RGS6: variants seen among roughly 807,000 people sequenced by gnomAD.
The protein encoded by RGS6 is regulator of G-protein signaling 6.
Under a neutral mutation model 78.5 loss-of-function variants are expected in RGS6, and 30 were observed. That is an observed-to-expected ratio of 0.38 (90% CI 0.29 to 0.52). The LOEUF is 0.52. RGS6 is among the 20% of genes least tolerant of loss of function. The pLI, the probability that RGS6 is intolerant of heterozygous loss-of-function variation, is 0.85. For synonymous variants in RGS6, 206 were observed against 206.0 expected, an observed-to-expected ratio of 1.00 and a Z score of 0.00; for missense variants, 495 against 609.7, an observed-to-expected ratio of 0.81 and a Z score of 1.98.
the RGS6 span, among the ~76,000 whole-genome samples, chr14:71,917,992 C>T: frequency 6.6e-5 from 10 of 151,664 alleles, no homozygotes; most frequent in African/African-American, 2.4e-4. Context: ...GCTAACACGG[C>T]GAAACCCCGT....
At chr14:72,359,812 G>T (rs1301665867) in intron 3 of RGS6, among the ~76,000 whole-genome samples, 4 of 152,258 alleles carry the variant, frequency 2.6e-5, no homozygotes, top group African/African-American at 9.6e-5. Flanking sequence ...GAGAAGCTAA[G>T]GGCTGAGAAT....
At chr14:72,401,329 G>C (rs556331777) in intron 3 of RGS6, among the ~76,000 whole-genome samples, 1 of 151,924 alleles carries the variant, frequency 6.6e-6, no homozygotes, top group African/African-American at 2.4e-5. Context: ...TTCCAGGCCT[G>C]GCTTGTTTTC....
chr14:72,241,217 G>GAA (rs1375923759), intron 2 of RGS6, among the ~76,000 whole-genome samples: 3 of 148,514 alleles, frequency 2.0e-5, no homozygotes, highest in Admixed American at 2.0e-4. Context: ...AGAAGGAAAA[G>GAA]AAAAAAAGCC....
At chr14:72,304,531 G>A (rs2066809219) in intron 2 of RGS6, among the ~76,000 whole-genome samples, 1 of 152,162 alleles carries the variant, frequency 6.6e-6, no homozygotes, top group Non-Finnish European at 1.5e-5. Context: ...TGCATCTGAA[G>A]GAGTAAATTA....
In RGS6 at chr14:72,152,597, G is replaced by A. The variant is rs530402969; in HGVS notation, c.84+187722G>A. ...CTTGAAGAAGGTTTTAGCAGAAAAC[G>A]TTTACCAGTAAGATATGTCAGGTCA... On this transcript the variant is annotated intron_variant, in intron 2 of 17. Coordinates refer to ENST00000553525, the MANE Select transcript of RGS6 (RefSeq NM_001204424.2). 5.3e-5 allele frequency among the ~76,000 whole-genome samples: 8 copies of A among 152,254 alleles called. No individual in the cohort carries two copies. The East Asian group carries it at 1.2e-3, about 22-fold the overall frequency.
At chr14:72,014,221 T>C (rs2086476015) in intron 2 of RGS6, among the ~76,000 whole-genome samples, 1 of 152,192 alleles carries the variant, frequency 6.6e-6, no homozygotes, top group African/African-American at 2.4e-5. Flanking sequence ...TTGGATAATG[T>C]TGACAGTTAA....
rs2096540974 is a variant in RGS6 at position 72,141,661 on chromosome 14, G to A, written c.84+176786G>A. ...ACTCCTGGACTCACAGTGATTTCTT[G>A]TCCTCCCCAAAGATGCCTTTGCCTG... On this transcript the variant is annotated intron_variant, in intron 2 of 17. Coordinates refer to ENST00000553525, the MANE Select transcript of RGS6 (RefSeq NM_001204424.2). Among the ~76,000 whole-genome samples, 3 of 152,102 alleles carry A rather than the reference G, an allele frequency of 2.0e-5. No individual in the cohort carries two copies. The South Asian group carries it at 6.2e-4, about 32-fold the overall frequency.
chr14:72,349,126 C>T (rs1437728883), intron 2 of RGS6, among the ~76,000 whole-genome samples: 4 of 152,178 alleles, frequency 2.6e-5, no homozygotes, highest in Admixed American at 2.6e-4. Context: ...TAGATCACGC[C>T]ACTGCACTCC....
intron 3 of RGS6, among the ~76,000 whole-genome samples, chr14:72,444,145 C>T (rs1024216243): frequency 2.0e-5 from 3 of 152,100 alleles, no homozygotes; most frequent in African/African-American, 4.8e-5. Context: ...ACTTGGGATT[C>T]GGATGTGGGA....
At chr14:72,535,581 A>G (rs1214331634) in intron 15 of RGS6, among the ~76,000 whole-genome samples, 1 of 152,148 alleles carries the variant, frequency 6.6e-6, no homozygotes, top group Non-Finnish European at 1.5e-5. Context: ...CCATGTATGT[A>G]TGTGTGCATT....
chr14:72,062,495 G>C (rs1328436614), intron 2 of RGS6, among the ~76,000 whole-genome samples: 1 of 152,234 alleles, frequency 6.6e-6, no homozygotes, highest in Non-Finnish European at 1.5e-5. Context: ...GGAGACTTTT[G>C]CATGAGTCCA....
At chr14:72,134,488 C>T (rs759306223) in intron 2 of RGS6, among the ~76,000 whole-genome samples, 1 of 152,062 alleles carries the variant, frequency 6.6e-6, no homozygotes. Context: ...GTTTTATGTA[C>T]AGAAATATAG....
At chr14:72,407,242 A>G (rs1446277941) in intron 3 of RGS6, among the ~76,000 whole-genome samples, 3 of 152,182 alleles carry the variant, frequency 2.0e-5, no homozygotes, top group African/African-American at 7.2e-5. Flanking sequence ...TCCATGCAGC[A>G]TTGCCCCACA....
chr14:72,333,017 G>A (rs1263018073), intron 2 of RGS6, among the ~76,000 whole-genome samples: 1 of 152,078 alleles, frequency 6.6e-6, no homozygotes, highest in East Asian at 1.9e-4. Context: ...GTTTAAAGCC[G>A]GTCCCTCATG....
At chr14:72,395,173 G>A (rs1221346010) in intron 3 of RGS6, among the ~76,000 whole-genome samples, 2 of 152,060 alleles carry the variant, frequency 1.3e-5, no homozygotes, top group Admixed American at 6.6e-5. Context: ...TGAAGACCAC[G>A]AGTACTCATT....
At chr14:72,620,899 G>A in the RGS6 span, among the ~76,000 whole-genome samples, 1 of 152,222 alleles carries the variant, frequency 6.6e-6, no homozygotes, top group South Asian at 2.1e-4. Context: ...CCAGCACTTA[G>A]GGAGGCCAAG....
the RGS6 span, among the ~76,000 whole-genome samples, chr14:71,868,721 ATT>A: frequency 6.6e-6 from 1 of 152,094 alleles, no homozygotes; most frequent in East Asian, 1.9e-4. Flanking sequence ...TCCAGTGGAC[ATT>A]TTCTCAAGGA....
chr14:72,340,176 T>C lies in RGS6; in HGVS notation c.85-11919T>C, dbSNP rs1372206650. Reference sequence around the variant, plus strand: ...GATGCTCATTTCTACCTGATTTTGCTTATAAATTGTGAGGAGAGTTCTCTA... The same window carrying C: ...GATGCTCATTTCTACCTGATTTTGCCTATAAATTGTGAGGAGAGTTCTCTA... On this transcript the variant is annotated intron_variant, in intron 2 of 17. Coordinates refer to ENST00000553525, the MANE Select transcript of RGS6 (RefSeq NM_001204424.2). Among the ~76,000 whole-genome samples, 3 of 152,290 alleles carry C rather than the reference T, an allele frequency of 2.0e-5. No individual in the cohort carries two copies. In the East Asian group the frequency reaches 5.8e-4, roughly 29 times the overall value.
intron 2 of RGS6, among the ~76,000 whole-genome samples, chr14:72,203,353 G>A (rs189968496): frequency 1.3e-5 from 2 of 152,176 alleles, no homozygotes; most frequent in Admixed American, 6.5e-5. Context: ...TCCCATCTTT[G>A]CCAGTTAATA....
Sources: gnomAD v4.1 joint callset for allele counts (sites outside exome capture counted in the v4.1 genomes callset) on GRCh38, gnomAD v4.1.1 for gene constraint, MANE v1.5 for transcripts, NCBI Gene and HGNC (gene_info 2026-07-23, HGNC 2026-07-21) for gene names.